SHISA9: variants seen among roughly 807,000 people sequenced by gnomAD.
The protein encoded by SHISA9 is shisa family member 9, also known as protein shisa-9.
In SHISA9, 13 loss-of-function variants were observed where a neutral mutation model predicts 38.0. That is an observed-to-expected ratio of 0.34 (90% confidence interval 0.22 to 0.54). The LOEUF is 0.54. Among genes scored for constraint, SHISA9 ranks in the 20% least tolerant of loss-of-function variants. The pLI is 0.91. For synonymous variants in SHISA9, 275 were observed against 242.0 expected (o/e 1.14, Z -1.27); for missense variants, 538 against 575.8 (o/e 0.93, Z 0.67).
the SHISA9 span, among the ~76,000 whole-genome samples, chr16:13,557,418 G>A: frequency 6.6e-6 from 1 of 152,202 alleles, no homozygotes; most frequent in Admixed American, 6.5e-5. Flanking sequence ...CTAAGGAGAA[G>A]CTCAGCCTGG....
At chr16:13,206,604 T>A (rs1055789572) in intron 3 of SHISA9, among the ~76,000 whole-genome samples, 26 of 152,194 alleles carry the variant, frequency 1.7e-4, no homozygotes. Flanking sequence ...TGTTCCCTGA[T>A]CTCTTAAGAT....
At chr16:13,067,079 G>A (rs2073443791) in intron 2 of SHISA9, among the ~76,000 whole-genome samples, 1 of 152,222 alleles carries the variant, frequency 6.6e-6, no homozygotes, top group South Asian at 2.1e-4. Flanking sequence ...GCCTGGGGAA[G>A]CTTTGAGGGA....
At chr16:12,907,609 A>G (rs2071119801) in intron 1 of SHISA9, among the ~76,000 whole-genome samples, 1 of 152,162 alleles carries the variant, frequency 6.6e-6, no homozygotes, top group African/African-American at 2.4e-5. Flanking sequence ...TCACTCGCAC[A>G]AAAACAGGTC....
At chr16:13,507,963 G>T in the SHISA9 span, among the ~76,000 whole-genome samples, 127 of 152,246 alleles carry the variant, frequency 8.3e-4, no homozygotes, top group African/African-American at 2.8e-3. Flanking sequence ...ACTTATGGTG[G>T]AAACTACCAC....
intron 2 of SHISA9, among the ~76,000 whole-genome samples, chr16:12,991,470 G>T (rs931370039): frequency 6.6e-6 from 1 of 152,156 alleles, no homozygotes; most frequent in African/African-American, 2.4e-5. Context: ...GTAAACAAAC[G>T]TCCCATTTTA....
At chr16:13,081,264 A>G (rs1229206144) in intron 2 of SHISA9, among the ~76,000 whole-genome samples, 1 of 152,148 alleles carries the variant, frequency 6.6e-6, no homozygotes, top group Non-Finnish European at 1.5e-5. Context: ...GTCATTTTGT[A>G]TGGAGAGGGA....
At chr16:13,140,456 C>T (rs1355407567) in intron 2 of SHISA9, among the ~76,000 whole-genome samples, 1 of 151,988 alleles carries the variant, frequency 6.6e-6, no homozygotes, top group Non-Finnish European at 1.5e-5. Flanking sequence ...GGATTATAGG[C>T]GTCAGCCACT....
the SHISA9 span, among the ~76,000 whole-genome samples, chr16:13,320,638 G>A: frequency 2.6e-5 from 4 of 152,196 alleles, no homozygotes; most frequent in East Asian, 5.8e-4. Context: ...TTCTTCCAGA[G>A]ATCAAGTCTT....
At chr16:12,970,404 CATATATATATATACACAT>C (rs2072051832) in intron 2 of SHISA9, among the ~76,000 whole-genome samples, 1 of 11,722 alleles carries the variant, frequency 8.5e-5, no homozygotes. Context: ...TATATATATA[CATATATATATATACACAT>C]ATATGTATAT....
chr16:13,393,411 C>A, the SHISA9 span, among the ~76,000 whole-genome samples: 1 of 152,198 alleles, frequency 6.6e-6, no homozygotes, highest in South Asian at 2.1e-4. Flanking sequence ...CGATCAGATC[C>A]CATCTACTTT....
chr16:13,212,246 A>G (rs949372896), intron 3 of SHISA9, among the ~76,000 whole-genome samples: 1 of 152,192 alleles, frequency 6.6e-6, no homozygotes, highest in East Asian at 1.9e-4. Flanking sequence ...AAGAAAGGAA[A>G]GAGCTAGGAC....
At chr16:13,471,340 T>TAAA in the SHISA9 span, among the ~76,000 whole-genome samples, 6 of 152,230 alleles carry the variant, frequency 3.9e-5, no homozygotes, top group African/African-American at 1.4e-4. Flanking sequence ...TTTAAAATGC[T>TAAA]AATTTATTAA....
intron 2 of SHISA9, among the ~76,000 whole-genome samples, chr16:13,017,261 C>G (rs1268398718): frequency 2.6e-5 from 4 of 152,178 alleles, no homozygotes; most frequent in Non-Finnish European, 4.4e-5. Flanking sequence ...CTCAGGTGAT[C>G]CGCCCGCCTT....
chr16:13,232,824 G>A (rs1434786826), intron 4 of SHISA9, among the ~76,000 whole-genome samples: 1 of 152,180 alleles, frequency 6.6e-6, no homozygotes, highest in Admixed American at 6.5e-5. Context: ...TGGAGACCAA[G>A]GTTCTTTTGA....
chr16:13,468,006 A>C, the SHISA9 span, among the ~76,000 whole-genome samples: 1 of 152,334 alleles, frequency 6.6e-6, no homozygotes, highest in East Asian at 1.9e-4. Flanking sequence ...ACTTAACAGC[A>C]ATGGATATTA....
chr16:13,153,465 A>G (rs1330847615), intron 2 of SHISA9, among the ~76,000 whole-genome samples: 1 of 152,206 alleles, frequency 6.6e-6, no homozygotes, highest in East Asian at 1.9e-4. Flanking sequence ...ATTGATAGAC[A>G]TGGAACAGGT....
chr16:13,204,083 A>G (rs1259473907), intron 3 of SHISA9, among the ~76,000 whole-genome samples: 1 of 151,830 alleles, frequency 6.6e-6, no homozygotes, highest in Non-Finnish European at 1.5e-5. Context: ...CCACTTATCT[A>G]TTATCTATCT....
the SHISA9 span, among the ~76,000 whole-genome samples, chr16:13,354,806 T>A: frequency 6.6e-6 from 1 of 151,914 alleles, no homozygotes; most frequent in Non-Finnish European, 1.5e-5. Context: ...GGTGCTGGGG[T>A]TTGAGATCAG....
At position 12,988,058 on chromosome 16, in the gene SHISA9, C is replaced by G. The variant is rs117565999; in HGVS notation, c.691+71243C>G. ...AGGAAAAAGAATATGCAGGACAAGA[C>G]AGCAAGACCCTGAAGCCAGGTCTCC... On this transcript the variant is annotated intron_variant, in intron 2 of 4. Coordinates refer to ENST00000558583, the MANE Select transcript of SHISA9 (RefSeq NM_001145204.3). Among the ~76,000 whole-genome samples the G allele has an allele frequency of 2.2e-3, 334 of 152,302 alleles. 1 individual carries two copies. The highest frequency in any genetic ancestry group is 4.1e-3 in the Admixed American group (62 of 15,296).
Sources: allele counts gnomAD v4.1 joint callset (sites outside exome capture counted in the v4.1 genomes callset), GRCh38; gene constraint gnomAD v4.1.1; transcripts MANE v1.5; gene names NCBI Gene and HGNC (gene_info 2026-07-23, HGNC 2026-07-21).